Variants in MDGA2 observed in about 807,000 individuals in gnomAD.
MDGA2 encodes the protein MAM domain containing glycosylphosphatidylinositol anchor 2, also known as MAM domain-containing glycosylphosphatidylinositol anchor protein 2.
A neutral mutation model predicts 117.8 loss-of-function variants in MDGA2; 40 were observed. The observed-to-expected ratio is 0.34, with a 90% CI of 0.26 to 0.44. The LOEUF is 0.44. Among genes scored for constraint, MDGA2 ranks in the 20% least tolerant of loss-of-function variants. The probability of loss-of-function intolerance (pLI) is 1.00; values close to 1 mark genes in which losing one functional copy is unlikely to be tolerated. For missense variants in MDGA2, 1,123 were observed against 1,250.6 expected, an observed-to-expected ratio of 0.90 and a Z score of 1.54; for synonymous variants, 452 against 439.0, an observed-to-expected ratio of 1.03 and a Z score of -0.37.
rs183716177 is a variant in MDGA2, at chr14:47,462,174, G to A, written c.281-160624C>T. ...GGGTGGATCACGAGGTCAGGAGACT[G>A]AGACCATCCTGGCTAACACGGTGAA... is the stretch of plus-strand genomic sequence containing the variant. On this transcript the variant is annotated intron_variant, in intron 1 of 16. Transcript: ENST00000399232. 2.2e-3 allele frequency among the ~76,000 whole-genome samples: 342 copies of A among 152,168 alleles called. 3 individuals carry two copies. Among genetic ancestry groups the A allele is most frequent in the African/African-American group, 7.9e-3 (330 of 41,532 alleles).
At chr14:47,452,540 C>T (rs1893262941) in intron 1 of MDGA2, among the ~76,000 whole-genome samples, 1 of 152,020 alleles carries the variant, frequency 6.6e-6, no homozygotes, top group African/African-American at 2.4e-5. Flanking sequence ...ATAAAAAGGA[C>T]TCAACTATCA....
At chr14:47,202,651 G>A (rs1885550692) in intron 3 of MDGA2, among the ~76,000 whole-genome samples, 1 of 152,164 alleles carries the variant, frequency 6.6e-6, no homozygotes, top group African/African-American at 2.4e-5. Flanking sequence ...CTATAAGGGA[G>A]GAATTGTTAT....
At position 47,674,608 on chromosome 14, in the gene MDGA2, A is replaced by G; in HGVS notation, c.189T>C (p.Tyr63=). 3 of 1,549,814 alleles carry G rather than the reference A, an allele frequency of 1.9e-6. No homozygotes were observed. Among genetic ancestry groups the G allele is most frequent in the Non-Finnish European group, 1.7e-6 (2 of 1,145,614 alleles). Residue 63 remains tyrosine, a synonymous_variant, in exon 1 of 17, where the codon TAT becomes TAC. Coordinates refer to ENST00000399232, the MANE Select transcript of MDGA2 (RefSeq NM_001113498.3). ...KVPLRTPWAG[Y]VHVHVKMDLL... is the part of the protein sequence containing the mutation. The stretch of plus-strand genomic sequence containing the variant: ...AATCCATCTTCACGTGAACATGAAC[A>G]TATCCAGCCCAGGGGGTACGCAACG...
intron 10 of MDGA2, among the ~76,000 whole-genome samples, chr14:46,902,106 GT>G (rs1883309658): frequency 6.6e-6 from 1 of 152,062 alleles, no homozygotes; most frequent in Non-Finnish European, 1.5e-5. Flanking sequence ...ACAAGAAGGA[GT>G]TTTATGCAAA....
intron 6 of MDGA2, among the ~76,000 whole-genome samples, chr14:47,091,990 A>T (rs893560195): frequency 6.6e-6 from 1 of 152,160 alleles, no homozygotes; most frequent in Non-Finnish European, 1.5e-5. Context: ...CTCTTTCATG[A>T]ACAAAATCTG....
intron 10 of MDGA2, among the ~76,000 whole-genome samples, chr14:46,894,474 G>A (rs565705809): frequency 3.3e-5 from 5 of 152,086 alleles, no homozygotes; most frequent in Admixed American, 6.5e-5. Flanking sequence ...CATAGCAAGG[G>A]GCAACAGAGG....
At chr14:47,349,376 C>T (rs1325722140) in intron 1 of MDGA2, among the ~76,000 whole-genome samples, 3 of 152,114 alleles carry the variant, frequency 2.0e-5, no homozygotes, top group African/African-American at 7.2e-5. Context: ...AATAAATACT[C>T]AACAAATGAT....
chr14:47,345,566 T>A (rs1890745680), intron 1 of MDGA2, among the ~76,000 whole-genome samples: 1 of 152,008 alleles, frequency 6.6e-6, no homozygotes, highest in African/African-American at 2.4e-5. Context: ...GCCTGTACAA[T>A]TTGAAAATTT....
chr14:47,261,193 T>C (rs2139673316), intron 2 of MDGA2, among the ~76,000 whole-genome samples: 1 of 152,210 alleles, frequency 6.6e-6, no homozygotes, highest in Middle Eastern at 3.4e-3. Context: ...TTTTGATGCC[T>C]CCTCAATATC....
chr14:47,660,380 T>C (rs533829276), intron 1 of MDGA2, among the ~76,000 whole-genome samples: 3 of 152,322 alleles, frequency 2.0e-5, no homozygotes, highest in Non-Finnish European at 4.4e-5. Context: ...GGTTATACTA[T>C]AGGACACAAT....
In MDGA2 at chr14:46,855,413, G is replaced by A. The variant is rs1241376416; in HGVS notation, c.2753-259C>T. Among the ~76,000 whole-genome samples the A allele has an allele frequency of 6.6e-6, 1 of 152,126 alleles. No homozygotes were observed. Among genetic ancestry groups the A allele is most frequent in the Non-Finnish European group, 1.5e-5 (1 of 68,010 alleles). On this transcript the variant is annotated intron_variant, in intron 14 of 16. Transcript: ENST00000399232. This position sits in a 1 kb window ranked among gnomAD's most constrained non-coding sequence, Gnocchi z 4.1. ...GGATTTAAGGATTTTGCAATGGGGA[G>A]ATTATTCTAGATTATTAGGGTGAGT...
intron 1 of MDGA2, among the ~76,000 whole-genome samples, chr14:47,363,026 C>A (rs1302812776): frequency 1.3e-5 from 2 of 152,076 alleles, no homozygotes; most frequent in East Asian, 1.9e-4. Context: ...AATTTTCTAT[C>A]CTTGCAAAAG....
chr14:46,854,980 A>T, intron 15 of MDGA2, 44 bp downstream of exon 15: 6 of 1,494,746 alleles, frequency 4.0e-6, no homozygotes, highest in Non-Finnish European at 5.4e-6. Flanking sequence ...CTTTAATATT[A>T]TGCTCATTTA....
intron 1 of MDGA2, among the ~76,000 whole-genome samples, chr14:47,336,006 G>A (rs1231910628): frequency 1.1e-4 from 16 of 151,468 alleles, no homozygotes; most frequent in African/African-American, 3.6e-4. Context: ...AGTGATAGTG[G>A]AGCAATAAAC....
intron 1 of MDGA2, among the ~76,000 whole-genome samples, chr14:47,556,113 G>A (rs922625276): frequency 4.6e-5 from 7 of 152,194 alleles, no homozygotes; most frequent in Admixed American, 2.0e-4. Flanking sequence ...GGCTATATTC[G>A]GGTGGGTAGC....
intron 16 of MDGA2, among the ~76,000 whole-genome samples, chr14:46,845,320 T>A (rs928397326): frequency 6.6e-6 from 1 of 152,214 alleles, no homozygotes; most frequent in African/African-American, 2.4e-5. Flanking sequence ...CTTGCTGAAC[T>A]GTGAGTCAAT....
At chr14:47,555,547 A>G (rs10136935) in intron 1 of MDGA2, among the ~76,000 whole-genome samples, 113,592 of 152,056 alleles carry the variant, frequency 0.75, 42,912 homozygotes, top group East Asian at 1. Context: ...ATATCCTCAG[A>G]AGGAAGACTC....
intron 9 of MDGA2, among the ~76,000 whole-genome samples, chr14:46,937,206 C>T (rs1382070850): frequency 6.8e-6 from 1 of 146,142 alleles, no homozygotes; most frequent in Non-Finnish European, 1.5e-5. Flanking sequence ...GCACACCGCT[C>T]CCCCGACACC....
rs138304337 is a variant in MDGA2 at position 46,912,408 on chromosome 14, T to C, written c.2238+7604A>G. ...TAAATTTTTACCACCTTCAGTTTCA[T>C]ATCTAATGCTTTTGACTTGTAAATT... On this transcript the variant is annotated intron_variant, in intron 10 of 16. Transcript: ENST00000399232. Among the ~76,000 whole-genome samples, 1,235 of 152,258 alleles carry C rather than the reference T, an allele frequency of 8.1e-3. 20 individuals are homozygous for C. Among genetic ancestry groups the C allele is most frequent in the African/African-American group, 0.027 (1,125 of 41,538 alleles).
Sources: allele counts gnomAD v4.1 joint callset (sites outside exome capture counted in the v4.1 genomes callset), GRCh38; gene constraint gnomAD v4.1.1; non-coding constraint Gnocchi (gnomAD v3.1); transcripts MANE v1.5; gene names NCBI Gene and HGNC (gene_info 2026-07-23, HGNC 2026-07-21).